The following RYR3 variants were observed in gnomAD, a reference collection of about 807,000 sequenced individuals.
RYR3 encodes the protein brain ryanodine receptor-calcium release channel.
A neutral mutation model predicts 584.3 loss-of-function variants in RYR3; 207 were observed. The ratio of observed to expected loss-of-function variants is 0.35; its 90% CI spans 0.32 to 0.40. The LOEUF is 0.40. RYR3 is among the 10% of genes least tolerant of loss of function. The probability of loss-of-function intolerance (pLI) is 1.00; values close to 1 mark genes in which losing one functional copy is unlikely to be tolerated. For missense variants in RYR3, 5,616 were observed against 6,089.2 expected, an observed-to-expected ratio of 0.92 and a Z score of 2.59; for synonymous variants, 2,416 against 2,248.5, an observed-to-expected ratio of 1.07 and a Z score of -2.11.
At chr15:33,379,037 C>G (rs917166911) in intron 1 of RYR3, among the ~76,000 whole-genome samples, 16 of 152,134 alleles carry the variant, frequency 1.1e-4, no homozygotes, top group African/African-American at 3.9e-4. Flanking sequence ...CACAAAGGTT[C>G]TCTTTTTCTC....
At chr15:33,830,718 T>G (rs1039138851) in intron 85 of RYR3, 3 of 352,978 alleles carry the variant, frequency 8.5e-6, no homozygotes, top group Admixed American at 4.4e-5. Flanking sequence ...TTATCCTATT[T>G]CATAGTCTCC....
chr15:33,317,033 C>T (rs892352969), intron 1 of RYR3, among the ~76,000 whole-genome samples: 3 of 152,228 alleles, frequency 2.0e-5, no homozygotes, highest in African/African-American at 7.2e-5. Flanking sequence ...GCCAGGTAGG[C>T]TCCTCCCAGG....
intron 44 of RYR3, among the ~76,000 whole-genome samples, chr15:33,723,693 T>C (rs2068118836): frequency 6.6e-6 from 1 of 152,224 alleles, no homozygotes; most frequent in South Asian, 2.1e-4. Flanking sequence ...ATATAGCTTA[T>C]TAGCAACAGA....
At chr15:33,786,194 C>T (rs892392206) in intron 66 of RYR3, among the ~76,000 whole-genome samples, 19 of 152,230 alleles carry the variant, frequency 1.2e-4, no homozygotes, top group East Asian at 1.9e-4. Context: ...CACTCCCCTA[C>T]TCATCCAGGC....
chr15:33,810,851 T>G, intron 71 of RYR3, 127 bp from the exon 72 acceptor site: 1 of 1,104,264 alleles, frequency 9.1e-7, no homozygotes, highest in Non-Finnish European at 1.3e-6. Flanking sequence ...CTCCGGAATA[T>G]TTTTTCTTTT....
At chr15:33,721,013 T>A (rs2067866870) in intron 43 of RYR3, among the ~76,000 whole-genome samples, 1 of 152,250 alleles carries the variant, frequency 6.6e-6, no homozygotes, top group South Asian at 2.1e-4. Flanking sequence ...ATACAGAGCC[T>A]AATTCTCCCT....
intron 10 of RYR3, among the ~76,000 whole-genome samples, chr15:33,560,451 A>ATTT (rs3838862): frequency 0.17 from 25,514 of 150,812 alleles, 2,510 homozygotes; most frequent in Non-Finnish European, 0.23. Context: ...AGATCTTTGT[A>ATTT]TTTTTTTTTT....
At chr15:33,622,322 C>T (rs1317724460) in intron 19 of RYR3, among the ~76,000 whole-genome samples, 2 of 152,178 alleles carry the variant, frequency 1.3e-5, no homozygotes, top group Non-Finnish European at 2.9e-5. Flanking sequence ...TCTTCTCCAC[C>T]TCAGAGCCTT....
intron 45 of RYR3, among the ~76,000 whole-genome samples, chr15:33,725,609 C>T (rs2152812679): frequency 6.6e-6 from 1 of 152,198 alleles, no homozygotes; most frequent in South Asian, 2.1e-4. Flanking sequence ...CAGTCATCAT[C>T]CCCAGCATTA....
At chr15:33,339,003 G>A (rs1473621603) in intron 1 of RYR3, among the ~76,000 whole-genome samples, 1 of 152,194 alleles carries the variant, frequency 6.6e-6, no homozygotes, top group Non-Finnish European at 1.5e-5. Context: ...GCAGATGGAA[G>A]GGAGGCAGGG....
At chr15:33,333,704 C>T (rs1223225260) in intron 1 of RYR3, among the ~76,000 whole-genome samples, 2 of 152,094 alleles carry the variant, frequency 1.3e-5, no homozygotes, top group Admixed American at 6.5e-5. Flanking sequence ...GACAATCAGG[C>T]AAGAGAAAGA....
chr15:33,689,848 A>C (rs1596170989), intron 38 of RYR3, among the ~76,000 whole-genome samples: 2 of 152,132 alleles, frequency 1.3e-5, no homozygotes. Context: ...AATGCCTCAC[A>C]TGTGTTAGTT....
intron 9 of RYR3, among the ~76,000 whole-genome samples, chr15:33,548,537 G>A (rs961315216): frequency 3.9e-5 from 6 of 152,170 alleles, no homozygotes; most frequent in African/African-American, 1.4e-4. Flanking sequence ...TAAGTCTTCC[G>A]TCTCCTCTCA....
At chr15:33,519,933 A>T (rs1206726650) in intron 3 of RYR3, among the ~76,000 whole-genome samples, 1 of 152,202 alleles carries the variant, frequency 6.6e-6, no homozygotes, top group Admixed American at 6.5e-5. Flanking sequence ...ACTTGGCCCC[A>T]TGCTCATTAT....
chr15:33,628,721 G>T (rs1566818834), intron 21 of RYR3, 146 bp downstream of exon 21: 3 of 574,464 alleles, frequency 5.2e-6, no homozygotes, highest in Non-Finnish European at 9.4e-6. Context: ...AACCAGAAGT[G>T]TCTCCCCTTT....
Position 33,837,710 on chromosome 15 carries a change from G to C in RYR3, c.11730G>C (p.Leu3910Phe), listed in dbSNP as rs765688139. Residue 3910 changes from leucine to phenylalanine, a missense_variant, in exon 89 of 104, where the codon TTG (leucine) becomes TTC (phenylalanine). By Grantham distance (22) the Leu-to-Phe change is conservative. Around this residue, in one of 9 missense-constraint regions of RYR3, gnomAD observed 258 missense variants for 297.3 expected, o/e 0.87. Coordinates refer to ENST00000634891, the MANE Select transcript of RYR3 (RefSeq NM_001036.6). The part of the protein sequence containing the change: ...VESSTNVEMI[L>F]KFFDMFLKLK... ...CATCTACCAATGTAGAAATGATCTT[G>C]AAATTCTTTGACATGTTCTTGAAAC... The C allele has an allele frequency of 2.6e-5, 42 of 1,610,816 alleles. No homozygotes were observed. The highest frequency in any genetic ancestry group is 6.7e-5 in the East Asian group (3 of 44,852).
chr15:33,362,170 C>T (rs531780778), intron 1 of RYR3, among the ~76,000 whole-genome samples: 24 of 152,262 alleles, frequency 1.6e-4, no homozygotes, highest in African/African-American at 2.6e-4. Flanking sequence ...GCTGAATGCT[C>T]TATAGTGCTT....
intron 61 of RYR3, 145 bp downstream of exon 61, chr15:33,768,852 A>G (rs960197270): frequency 1.2e-6 from 1 of 813,110 alleles, no homozygotes. Context: ...GATCTGAAGC[A>G]TGATAAATGA....
At chr15:33,614,929 TG>T (rs1201987907) in intron 19 of RYR3, among the ~76,000 whole-genome samples, 1 of 152,206 alleles carries the variant, frequency 6.6e-6, no homozygotes, top group African/African-American at 2.4e-5. Context: ...TTCATTTAAT[TG>T]GGCTTGTGCT....
Sources: allele counts gnomAD v4.1 joint callset (sites outside exome capture counted in the v4.1 genomes callset), GRCh38; gene constraint gnomAD v4.1.1; regional missense constraint gnomAD v4.1.1; transcripts MANE v1.5; gene names NCBI Gene and HGNC (gene_info 2026-07-23, HGNC 2026-07-21).